The following SPATA16 variants were observed in gnomAD, a reference collection of about 807,000 sequenced individuals.
The protein encoded by SPATA16 is spermatogenesis associated 16, also known as spermatogenesis-associated protein 16.
A neutral mutation model predicts 63.3 loss-of-function variants in SPATA16; 36 were observed. The ratio of observed to expected loss-of-function variants is 0.57; its 90% CI spans 0.44 to 0.75. The LOEUF is 0.75. Among genes scored for constraint, SPATA16 ranks in the 30% least tolerant of loss-of-function variants. SPATA16 has a pLI of 0.00. For missense variants in SPATA16, 646 were observed against 679.3 expected (o/e 0.95, Z 0.54); for synonymous variants, 203 against 216.7 (o/e 0.94, Z 0.56).
At chr3:172,972,875 G>C (rs558390186) in intron 5 of SPATA16, among the ~76,000 whole-genome samples, 1 of 152,202 alleles carries the variant, frequency 6.6e-6, no homozygotes, top group South Asian at 2.1e-4. Flanking sequence ...ACAAATTGCC[G>C]ACATAGATAG....
At chr3:173,022,143 A>G (rs991952731) in intron 3 of SPATA16, among the ~76,000 whole-genome samples, 7 of 152,100 alleles carry the variant, frequency 4.6e-5, no homozygotes, top group African/African-American at 1.7e-4. Flanking sequence ...TGAGGTTGAC[A>G]CTATCGGAAC....
intron 4 of SPATA16, among the ~76,000 whole-genome samples, chr3:173,010,252 C>G (rs1038666711): frequency 6.6e-6 from 1 of 152,184 alleles, no homozygotes; most frequent in African/African-American, 2.4e-5. Context: ...TTGTGCCCCC[C>G]TCTGTTGCCC....
intron 10 of SPATA16, among the ~76,000 whole-genome samples, chr3:172,895,869 T>A (rs1221433296): frequency 6.6e-6 from 1 of 152,196 alleles, no homozygotes; most frequent in Non-Finnish European, 1.5e-5. Context: ...TAATTTGGGC[T>A]ATTGTAAAAT....
At chr3:173,086,994 T>G (rs1737076202) in intron 2 of SPATA16, among the ~76,000 whole-genome samples, 1 of 152,160 alleles carries the variant, frequency 6.6e-6, no homozygotes, top group South Asian at 2.1e-4. Context: ...CCAAGAAGAA[T>G]GTATATTCTG....
chr3:173,034,409 G>C (rs565100416), intron 3 of SPATA16, among the ~76,000 whole-genome samples: 1 of 152,092 alleles, frequency 6.6e-6, no homozygotes. Flanking sequence ...TTAGAGGGAA[G>C]TTTGACAGAA....
At chr3:172,955,483 G>A (rs1733547199) in intron 6 of SPATA16, among the ~76,000 whole-genome samples, 1 of 152,020 alleles carries the variant, frequency 6.6e-6, no homozygotes, top group Admixed American at 6.6e-5. Context: ...GCTTTCTTAT[G>A]AAATGCTCAA....
At chr3:173,137,691 T>G (rs1480815383) in intron 1 of SPATA16, among the ~76,000 whole-genome samples, 1 of 152,096 alleles carries the variant, frequency 6.6e-6, no homozygotes, top group Non-Finnish European at 1.5e-5. Context: ...GGTGAGGAAG[T>G]TAACTGAGAG....
intron 4 of SPATA16, among the ~76,000 whole-genome samples, chr3:172,994,528 CTGTGTGTGTGTA>C (rs1239511318): frequency 6.6e-6 from 1 of 151,842 alleles, no homozygotes; most frequent in Non-Finnish European, 1.5e-5. Flanking sequence ...GTACTGAAAT[CTGTGTGTGTGTA>C]TGTGTGTGTG....
chr3:172,963,285 A>G (rs1446283816), intron 5 of SPATA16, among the ~76,000 whole-genome samples: 2 of 152,140 alleles, frequency 1.3e-5, no homozygotes, highest in East Asian at 1.9e-4. Context: ...AAAGTTATAA[A>G]TATTTCATGC....
rs541688584 is a variant in SPATA16 at position 172,895,646 on chromosome 3, T to C, written c.1588-5954A>G. On this transcript the variant is annotated intron_variant, in intron 10 of 10. Coordinates refer to ENST00000351008, the MANE Select transcript of SPATA16 (RefSeq NM_031955.6). ...ACCGTGCCTGGCCATAGGTTCTTCA[T>C]TTATATAATTTTGTTATTGCAAGAA... Among the ~76,000 whole-genome samples the C allele has an allele frequency of 1.6e-3, 248 of 152,268 alleles. 1 individual carries two copies. The highest frequency in any genetic ancestry group is 5.7e-3 in the African/African-American group (237 of 41,554).
chr3:173,052,802 A>C (rs1736134159), intron 2 of SPATA16, among the ~76,000 whole-genome samples: 1 of 152,238 alleles, frequency 6.6e-6, no homozygotes, highest in African/African-American at 2.4e-5. Context: ...ATTTGTCTAG[A>C]AATGTATAAT....
At chr3:173,069,814 T>C (rs1257763729) in intron 2 of SPATA16, among the ~76,000 whole-genome samples, 1 of 152,218 alleles carries the variant, frequency 6.6e-6, no homozygotes, top group African/African-American at 2.4e-5. Context: ...ATCCCTGTGA[T>C]GCAAGGATAG....
chr3:173,058,227 A>G (rs1736296124), intron 2 of SPATA16, among the ~76,000 whole-genome samples: 3 of 152,086 alleles, frequency 2.0e-5, no homozygotes, highest in Admixed American at 2.0e-4. Flanking sequence ...TATATATATC[A>G]TTATTATAAG....
intron 2 of SPATA16, among the ~76,000 whole-genome samples, chr3:173,091,219 T>C (rs1354916077): frequency 2.0e-5 from 3 of 152,188 alleles, no homozygotes; most frequent in African/African-American, 7.2e-5. Flanking sequence ...TAAAAACATA[T>C]GTAAGCAGTA....
At chr3:172,919,561 G>A (rs1043241087) in intron 8 of SPATA16, among the ~76,000 whole-genome samples, 6 of 152,158 alleles carry the variant, frequency 3.9e-5, no homozygotes, top group African/African-American at 7.2e-5. Context: ...CGTATTTACC[G>A]ACTGTATTCA....
At chr3:172,945,313 C>A (rs1733254330) in intron 6 of SPATA16, among the ~76,000 whole-genome samples, 1 of 151,978 alleles carries the variant, frequency 6.6e-6, no homozygotes, top group Admixed American at 6.6e-5. Context: ...CTAAGAACAT[C>A]AAAGAGCTAA....
intron 6 of SPATA16, among the ~76,000 whole-genome samples, chr3:172,932,739 T>C (rs150259769): frequency 1.3e-5 from 2 of 152,294 alleles, no homozygotes; most frequent in East Asian, 3.9e-4. Flanking sequence ...TTGATTTTTA[T>C]ATTTGATATC....
intron 4 of SPATA16, among the ~76,000 whole-genome samples, chr3:173,006,396 G>C (rs1734946800): frequency 6.6e-6 from 1 of 152,208 alleles, no homozygotes. Flanking sequence ...TAGCCAGCCT[G>C]TAGGCTTCAT....
intron 10 of SPATA16, among the ~76,000 whole-genome samples, chr3:172,909,911 G>A (rs1057328151): frequency 6.6e-6 from 1 of 152,030 alleles, no homozygotes; most frequent in African/African-American, 2.4e-5. Context: ...GAAATTAGTT[G>A]TTGTTTACAT....
Sources: allele counts gnomAD v4.1 joint callset (sites outside exome capture counted in the v4.1 genomes callset), GRCh38; gene constraint gnomAD v4.1.1; transcripts MANE v1.5; gene names NCBI Gene and HGNC (gene_info 2026-07-23, HGNC 2026-07-21).